The following CDH15 variants were observed in gnomAD, a reference collection of about 807,000 sequenced individuals.
CDH15 encodes cadherin 15.
CDH15 carries 73 observed loss-of-function variants against 69.4 expected under a neutral mutation model. The ratio of observed to expected loss-of-function variants is 1.05; its 90% CI spans 0.87 to 1.28. CDH15 has a LOEUF of 1.28. CDH15 is among the 50% of genes most tolerant of loss of function. The pLI is 0.00. For missense variants in CDH15, 1,343 were observed against 1,133.6 expected (o/e 1.18, Z -2.65); for synonymous variants, 624 against 507.7 (o/e 1.23, Z -3.08).
intron 1 of CDH15, among the ~76,000 whole-genome samples, chr16:89,178,338 G>A (rs1915301448): frequency 6.6e-6 from 1 of 152,146 alleles, no homozygotes; most frequent in Admixed American, 6.5e-5. Flanking sequence ...CGAGCACCAG[G>A]GCTTCCCGTG....
At chr16:89,185,628 C>G in intron 5 of CDH15, 1 of 502,942 alleles carries the variant, frequency 2.0e-6, no homozygotes, top group South Asian at 2.1e-5. Context: ...AACGGCTCCC[C>G]GCTGGTAAGT....
chr16:89,189,076 GAT>G (rs1915573209), intron 7 of CDH15, among the ~76,000 whole-genome samples: 1 of 126,440 alleles, frequency 7.9e-6, no homozygotes, highest in South Asian at 2.7e-4. Flanking sequence ...GGCACACACA[GAT>G]GCCCACACAC....
intron 9 of CDH15, 24 bp downstream of exon 9, chr16:89,191,496 G>T: frequency 2.5e-6 from 4 of 1,610,364 alleles, no homozygotes; most frequent in Non-Finnish European, 3.4e-6. Flanking sequence ...CCGGCTTGGG[G>T]CTCCCTGACC....
chr16:89,181,150 G>A (rs1320433887), intron 3 of CDH15, among the ~76,000 whole-genome samples: 2 of 152,024 alleles, frequency 1.3e-5, no homozygotes, highest in Admixed American at 6.5e-5. Flanking sequence ...TGTATTTTTA[G>A]TAGAGATGGG....
chr16:89,179,633 C>G, intron 2 of CDH15, 59 bp downstream of exon 2: 1 of 1,484,408 alleles, frequency 6.7e-7, no homozygotes, highest in South Asian at 1.3e-5. Flanking sequence ...CAGTGGGCCT[C>G]CCTCATTCTC....
chr16:89,171,830 C>T lies in CDH15; in HGVS notation c.-2C>T. On this transcript the variant is annotated 5_prime_UTR_variant, in exon 1 of 14. Coordinates refer to ENST00000289746, the MANE Select transcript of CDH15 (RefSeq NM_004933.3). ...TCCGGCCCGGCTCCCGCCTCGGCCC[C>T]GATGGACGCCGCGTTCCTCCTCGTC... 1 of 1,557,516 alleles carries T rather than the reference C, an allele frequency of 6.4e-7. No individual in the cohort carries two copies. Among genetic ancestry groups the T allele is most frequent in the Non-Finnish European group, 8.7e-7 (1 of 1,154,714 alleles).
chr16:89,188,958 G>A lies in CDH15; in HGVS notation c.978+673G>A, dbSNP rs1334934176. ...CAGATGCCCACACTGTCCACACACC[G>A]ATGCTGGCACACATAGATGCCCACA... On this transcript the variant is annotated intron_variant, in intron 7 of 13. Transcript: ENST00000289746. Among the ~76,000 whole-genome samples the A allele has an allele frequency of 6.7e-5, 8 of 118,892 alleles. 1 individual carries two copies. The highest frequency in any genetic ancestry group is 2.0e-4 in the Admixed American group (2 of 9,914). 78.0% of individuals were successfully genotyped at this position (118,892 alleles called of 152,430 possible). A position where few individuals can be genotyped will look rare whatever the true frequency, so the allele number is the denominator to read the frequency against.
chr16:89,194,461 C>T (rs542641336), intron 13 of CDH15, among the ~76,000 whole-genome samples: 13 of 152,304 alleles, frequency 8.5e-5, no homozygotes, highest in Non-Finnish European at 1.5e-4. Context: ...AGAGGACAGA[C>T]ATGCAGACAG....
rs1346787349 is a variant in CDH15, at chr16:89,171,867, G to A, written c.36G>A (p.Leu12=). The A allele has an allele frequency of 1.9e-6, 3 of 1,558,510 alleles. No individual in the cohort carries two copies. Among genetic ancestry groups the A allele is most frequent in the South Asian group, 1.2e-5 (1 of 84,994 alleles). The stretch of plus-strand genomic sequence containing the variant: ...CGTTCCTCCTCGTCCTCGGGCTGTT[G>A]GCCCAGGTAAGGCATCGGCACCTGC... ...DAAFLLVLGL[L]AQSLCLSLGV... is the part of the protein sequence containing the mutation. Residue 12 remains leucine, a synonymous_variant, in exon 1 of 14, where the codon TTG becomes TTA. Coordinates refer to ENST00000289746, the MANE Select transcript of CDH15 (RefSeq NM_004933.3).
At chr16:89,176,123 T>G (rs1480134572) in intron 1 of CDH15, among the ~76,000 whole-genome samples, 1 of 152,254 alleles carries the variant, frequency 6.6e-6, no homozygotes, top group African/African-American at 2.4e-5. Context: ...GGGTTCGGCC[T>G]GACAGGCTTC....
intron 1 of CDH15, among the ~76,000 whole-genome samples, chr16:89,176,912 A>C (rs554723641): frequency 1.3e-5 from 2 of 152,262 alleles, no homozygotes; most frequent in East Asian, 3.9e-4. Flanking sequence ...GCAGCCCAGC[A>C]GCCTGAGGGC....
At chr16:89,193,437 C>T (rs570130438) in intron 11 of CDH15, 33 bp from the exon 12 acceptor site, 16 of 1,542,792 alleles carry the variant, frequency 1.0e-5, no homozygotes, top group South Asian at 9.2e-5. Flanking sequence ...GCGCCCTGTG[C>T]CTGGCCCCAG....
chr16:89,175,783 G>A (rs546192818), intron 1 of CDH15, among the ~76,000 whole-genome samples: 10 of 152,334 alleles, frequency 6.6e-5, no homozygotes, highest in Admixed American at 6.5e-4. Context: ...AGGGTCCCCT[G>A]CCTGGGAGCC....
At position 89,188,193 on chromosome 16, in the gene CDH15, G is replaced by A. The variant is rs1286793678; in HGVS notation, c.886G>A (p.Ala296Thr). 1 of 1,613,432 alleles carries A rather than the reference G, an allele frequency of 6.2e-7. No individual in the cohort carries two copies. Among genetic ancestry groups the A allele is most frequent in the East Asian group, 2.2e-5 (1 of 44,874 alleles). Residue 296 changes from alanine (A) to threonine (T), a missense_variant, in exon 7 of 14, where the codon GCC becomes ACC. Coordinates refer to ENST00000289746, the MANE Select transcript of CDH15 (RefSeq NM_004933.3). Reference protein sequence around the residue: ...RDLPGSPNWVARFTILEGDPD... With the variant: ...RDLPGSPNWVTRFTILEGDPD... Reference sequence around the variant, plus strand: ...CCTGCCAGGCTCCCCAAACTGGGTGGCCAGGTTCACCATCCTGGAAGGCGA... The same window carrying A: ...CCTGCCAGGCTCCCCAAACTGGGTGACCAGGTTCACCATCCTGGAAGGCGA...
intron 1 of CDH15, among the ~76,000 whole-genome samples, chr16:89,176,991 G>A (rs1356511551): frequency 5.9e-5 from 9 of 152,090 alleles, no homozygotes; most frequent in Admixed American, 5.9e-4. Context: ...TCCCAGCCGG[G>A]TGGTGCAGGA....
rs767112602 is a variant in CDH15 at position 89,191,893 on chromosome 16, C to T, written c.1614C>T (p.Asn538=). 4 of 1,564,178 alleles carry T rather than the reference C, an allele frequency of 2.6e-6. No individual in the cohort carries two copies. The Admixed American group carries it at 5.5e-5, about 22-fold the overall frequency. Residue 538 remains asparagine, a splice_region_variant and synonymous_variant, in exon 10 of 14, where the codon AAC becomes AAT. Transcript: ENST00000289746. ...GGAACTGGAGCCTCAGCCAGGTCAA[C>T]GGTGCGCTCCCCTCACCGCCGCGCT... ...LGRNWSLSQV[N]VSHARLRPRH...
intron 1 of CDH15, among the ~76,000 whole-genome samples, chr16:89,173,886 C>T (rs146101236): frequency 7.6e-4 from 116 of 152,334 alleles, no homozygotes; most frequent in African/African-American, 2.4e-3. Context: ...AGCTGGGAGG[C>T]GGCTGAGGTC....
Position 89,189,241 on chromosome 16 carries a change from GCACACACAGATGCCCACACACATGCC to G in CDH15, c.978+971_979-962del, listed in dbSNP as rs1234613768. On this transcript the variant is annotated intron_variant, in intron 7 of 13. Transcript: ENST00000289746. ...CACAGGTGCCCACACACAGATGCTG[GCACACACAGATGCCCACACACATGCC>G]CACACACAGATGCCGGCACACACAG... Among the ~76,000 whole-genome samples, 7 of 115,864 alleles carry G rather than the reference GCACACACAGATGCCCACACACATGCC, an allele frequency of 6.0e-5. No homozygotes were observed. In the East Asian group the frequency reaches 1.7e-3, roughly 28 times the overall value. 76.0% of individuals were successfully genotyped at this position (115,864 alleles called of 152,430 possible).
intron 13 of CDH15, 119 bp from the exon 14 acceptor site, chr16:89,194,743 G>A (rs1316207676): frequency 2.0e-6 from 2 of 998,766 alleles, no homozygotes; most frequent in Admixed American, 2.0e-5. Flanking sequence ...CCCCGGACGT[G>A]GGCAGCTTCC....
Sources: gnomAD v4.1 joint callset for allele counts (sites outside exome capture counted in the v4.1 genomes callset) on GRCh38, gnomAD v4.1.1 for gene constraint, MANE v1.5 for transcripts, NCBI Gene and HGNC (gene_info 2026-07-23, HGNC 2026-07-21) for gene names.